EFCAB8: variants seen among roughly 807,000 people sequenced by gnomAD.
The protein encoded by EFCAB8 is EF-hand calcium binding domain 8.
EFCAB8 carries 100 observed loss-of-function variants against 116.3 expected under a neutral mutation model. The observed-to-expected ratio is 0.86, with a 90% CI of 0.73 to 1.02. EFCAB8 has a LOEUF of 1.02. Ranked by LOEUF, EFCAB8 falls within the 50% of genes least tolerant of loss-of-function variation. The pLI, the probability that EFCAB8 is intolerant of heterozygous loss-of-function variation, is 0.00. For missense variants in EFCAB8, 1,320 were observed against 1,416.9 expected, an observed-to-expected ratio of 0.93 and a Z score of 1.10; for synonymous variants, 558 against 567.9, an observed-to-expected ratio of 0.98 and a Z score of 0.25.
At chr20:32,876,151 G>C in intron 4 of EFCAB8, 107 bp downstream of exon 4, 1 of 968,640 alleles carries the variant, frequency 1.0e-6, no homozygotes. Flanking sequence ...ATGTGGGAAA[G>C]CCTCCCTGTG....
intron 5 of EFCAB8, among the ~76,000 whole-genome samples, chr20:32,879,589 A>G (rs1241139718): frequency 1.3e-5 from 2 of 152,204 alleles, no homozygotes; most frequent in African/African-American, 4.8e-5. Flanking sequence ...GAAGCCCCTA[A>G]GAAACAGATA....
rs1272200772 is a variant in EFCAB8, at chr20:32,958,541, TG to T, written c.3082del (p.Glu1028SerfsTer12). ...GGCACCACCCAGAAGGTCTTACATCTGGAGCTGCAGTGAGTGAGCACAGCCT... is the reference window on the plus strand; with the variant it reads ...GGCACCACCCAGAAGGTCTTACATCTGAGCTGCAGTGAGTGAGCACAGCCT... The part of the protein sequence containing the change: ...STGTTQKVLH[L>X]ELQEQRDLAE... On this transcript the variant is annotated frameshift_variant, in exon 24 of 27. Transcript: ENST00000400522. LOFTEE classifies it high-confidence loss of function. 9.6e-6 allele frequency: 4 copies of T among 416,140 alleles called. No individual in the cohort carries two copies. Among genetic ancestry groups the T allele is most frequent in the Non-Finnish European group, 1.8e-5 (4 of 226,344 alleles). 25.8% of individuals were successfully genotyped at this position (416,140 alleles called of 1,614,324 possible). A position where few individuals can be genotyped will look rare whatever the true frequency, so the allele number is the denominator to read the frequency against.
At chr20:32,908,544 C>A in intron 14 of EFCAB8, 132 bp downstream of exon 14, 1 of 1,013,786 alleles carries the variant, frequency 9.9e-7, no homozygotes, top group Non-Finnish European at 1.3e-6. Flanking sequence ...GACTCTGTGG[C>A]CTGGCCTGTG....
chr20:32,875,911 G>C lies in EFCAB8; in HGVS notation c.209-15G>C, dbSNP rs751579210. On this transcript the variant is annotated splice_polypyrimidine_tract_variant and intron_variant, in intron 3 of 26. Coordinates refer to ENST00000400522, the MANE Select transcript of EFCAB8 (RefSeq NM_001143967.2). ...TGTGAGGAAGGGGATGATGCTCTCT[G>C]TTCTCTCTTTGAAGCCCTGGGCATG... 2.6e-6 allele frequency: 4 copies of C among 1,550,366 alleles called. No homozygotes were observed. In the African/African-American group the frequency reaches 4.1e-5, roughly 16 times the overall value.
chr20:32,889,180 G>T lies in EFCAB8; in HGVS notation c.568-121G>T. The T allele has an allele frequency of 3.8e-6, 3 of 780,310 alleles. No individual in the cohort carries two copies. The South Asian group carries it at 5.1e-5, about 13-fold the overall frequency. 48.3% of individuals were successfully genotyped at this position (780,310 alleles called of 1,614,324 possible). On this transcript the variant is annotated intron_variant, in intron 6 of 26. Coordinates refer to ENST00000400522, the MANE Select transcript of EFCAB8 (RefSeq NM_001143967.2). ...CCCTATCACTAGACTTAGTGGTAGT[G>T]CTAGGCTCCATGCCAGGTCTGTGGT... is the stretch of plus-strand genomic sequence containing the variant.
At chr20:32,907,595 T>C (rs1463372498) in intron 13 of EFCAB8, among the ~76,000 whole-genome samples, 4 of 152,180 alleles carry the variant, frequency 2.6e-5, no homozygotes, top group African/African-American at 4.8e-5. Context: ...ACTCTGGAGA[T>C]GGAGAATTGT....
chr20:32,864,606 A>G (rs1047053579), intron 2 of EFCAB8, among the ~76,000 whole-genome samples: 1 of 151,976 alleles, frequency 6.6e-6, no homozygotes, highest in Non-Finnish European at 1.5e-5. Flanking sequence ...AAAAAGCTAC[A>G]TGAGTCAAAT....
intron 20 of EFCAB8, among the ~76,000 whole-genome samples, chr20:32,926,143 G>A: frequency 6.6e-6 from 1 of 152,204 alleles, no homozygotes; most frequent in East Asian, 1.9e-4. Flanking sequence ...CACCGTCCCA[G>A]GGCTGGCAAA....
At position 32,908,258 on chromosome 20, in the gene EFCAB8, T is replaced by A; in HGVS notation, c.1309-17T>A. On this transcript the variant is annotated splice_polypyrimidine_tract_variant and intron_variant, in intron 13 of 26. Transcript: ENST00000400522. The stretch of plus-strand genomic sequence containing the variant: ...CGAGACCCATGCTCAGCGTCTTGCC[T>A]TTTTCCCATCCCCCAGAATATTCGC... 8.0e-7 allele frequency: 1 copy of A among 1,249,326 alleles called. No homozygotes were observed. The highest frequency in any genetic ancestry group is 1.0e-6 in the Non-Finnish European group (1 of 988,080). The allele number at this position is 1,249,326 out of a possible 1,614,324, so 77.4% of individuals were successfully genotyped here.
At position 32,918,869 on chromosome 20, in the gene EFCAB8, A is replaced by C. The variant is rs552049064; in HGVS notation, c.2274+295A>C. ...AAGAGAACACAACCCTGAAAACCTAAAATTGGATGTTAGATCCTGGGCTGC... is the reference window on the plus strand; with the variant it reads ...AAGAGAACACAACCCTGAAAACCTACAATTGGATGTTAGATCCTGGGCTGC... On this transcript the variant is annotated intron_variant, in intron 19 of 26. Coordinates refer to ENST00000400522, the MANE Select transcript of EFCAB8 (RefSeq NM_001143967.2). Among the ~76,000 whole-genome samples, 4 of 152,222 alleles carry C rather than the reference A, an allele frequency of 2.6e-5. No homozygotes were observed. In the East Asian group the frequency reaches 7.7e-4, roughly 29 times the overall value.
rs540420817 is a variant in EFCAB8, at chr20:32,875,955, A to T, written c.238A>T (p.Met80Leu). The T allele has an allele frequency of 1.9e-5, 29 of 1,551,986 alleles. No individual in the cohort carries two copies. In the East Asian group the frequency reaches 6.6e-4, roughly 35 times the overall value. ...ALGMDAFIKA[M>L]KKVLSSVSDE... ...GGGCATGGACGCCTTCATCAAGGCC[A>T]TGAAGAAGGTTCTGAGCAGTGTGTC... The change falls in exon 4 of 27, where the codon ATG (methionine) becomes TTG (leucine). Residue 80 changes from methionine to leucine, a missense_variant. Coordinates refer to ENST00000400522, the MANE Select transcript of EFCAB8 (RefSeq NM_001143967.2).
chr20:32,947,079 G>T (rs1478970013), intron 23 of EFCAB8, among the ~76,000 whole-genome samples: 1 of 152,150 alleles, frequency 6.6e-6, no homozygotes, highest in Non-Finnish European at 1.5e-5. Flanking sequence ...GATTATGAAT[G>T]AAGCCGCTTT....
chr20:32,902,151 T>C (rs1364453399), intron 11 of EFCAB8, among the ~76,000 whole-genome samples: 1 of 152,208 alleles, frequency 6.6e-6, no homozygotes, highest in African/African-American at 2.4e-5. Flanking sequence ...TATTTGGAAC[T>C]AGATATAAGC....
At position 32,878,966 on chromosome 20, in the gene EFCAB8, C is replaced by T. The variant is rs560985565; in HGVS notation, c.431+159C>T. On this transcript the variant is annotated intron_variant, in intron 5 of 26. Transcript: ENST00000400522. Reference sequence around the variant, plus strand: ...TGTCCTTTGGCTCATTTCAACCTCACAGCCCTGTAAGTGTTAGGACTAAGG... The same window carrying T: ...TGTCCTTTGGCTCATTTCAACCTCATAGCCCTGTAAGTGTTAGGACTAAGG... Among the ~76,000 whole-genome samples the T allele has an allele frequency of 3.3e-5, 5 of 152,312 alleles. No individual in the cohort carries two copies. The East Asian group carries it at 9.7e-4, about 29-fold the overall frequency.
intron 12 of EFCAB8, 68 bp downstream of exon 12, chr20:32,906,697 A>G (rs1986690364): frequency 2.8e-6 from 2 of 718,240 alleles, no homozygotes; most frequent in Admixed American, 2.0e-5. Flanking sequence ...GGACCACCAG[A>G]GCTCAGGAGA....
chr20:32,945,944 C>T (rs903267120), intron 23 of EFCAB8, among the ~76,000 whole-genome samples: 1 of 152,174 alleles, frequency 6.6e-6, no homozygotes, highest in African/African-American at 2.4e-5. Flanking sequence ...ACAAGCTTCC[C>T]CCAGGCCTCT....
In EFCAB8 at chr20:32,961,247, G is replaced by C; in HGVS notation, c.3505G>C (p.Val1169Leu). The C allele has an allele frequency of 6.4e-7, 1 of 1,551,618 alleles. No homozygotes were observed. Among genetic ancestry groups the C allele is most frequent in the Non-Finnish European group, 8.7e-7 (1 of 1,146,802 alleles). ...CCAGCAAGACCAGCACATCCGCCTG[G>C]TGGCCCACCATGTCCAGAAGGACCT... Reference protein sequence around the residue: ...PDQQDQHIRLVAHHVQKDLVP... With the variant: ...PDQQDQHIRLLAHHVQKDLVP... Residue 1169 changes from valine to leucine, a missense_variant, in exon 27 of 27, where the codon GTG (valine) becomes CTG (leucine). Physicochemically the swap from Val to Leu is conservative, Grantham distance 32. Coordinates refer to ENST00000400522, the MANE Select transcript of EFCAB8 (RefSeq NM_001143967.2).
chr20:32,932,846 A>T (rs544576267), intron 22 of EFCAB8, among the ~76,000 whole-genome samples: 12 of 152,342 alleles, frequency 7.9e-5, no homozygotes, highest in African/African-American at 2.2e-4. Flanking sequence ...CAATTTTGAT[A>T]GCCTTCTTGC....
At chr20:32,912,764 T>C in intron 16 of EFCAB8, 30 bp from the exon 17 acceptor site, 1 of 718,328 alleles carries the variant, frequency 1.4e-6, no homozygotes. Context: ...TGATAAGTTT[T>C]CTAGTTCTGT....
Sources: gnomAD v4.1 joint callset for allele counts (sites outside exome capture counted in the v4.1 genomes callset) on GRCh38, gnomAD v4.1.1 for gene constraint, MANE v1.5 for transcripts, NCBI Gene and HGNC (gene_info 2026-07-23, HGNC 2026-07-21) for gene names.